The following CPEB1 variants were observed in gnomAD, a reference collection of about 807,000 sequenced individuals.
CPEB1 encodes cytoplasmic polyadenylation element binding protein 1.
A neutral mutation model predicts 65.8 loss-of-function variants in CPEB1; 7 were observed. That is an observed-to-expected ratio of 0.11 (90% CI 0.06 to 0.20). The LOEUF (loss-of-function observed/expected upper bound fraction) is 0.20, where lower values mean the gene tolerates loss of function less well. CPEB1 is among the 10% of genes least tolerant of loss of function. The probability of loss-of-function intolerance (pLI) is 1.00; values close to 1 mark genes in which losing one functional copy is unlikely to be tolerated. For missense variants in CPEB1, 551 were observed against 712.2 expected (o/e 0.77, Z 2.58); for synonymous variants, 262 against 260.0 (o/e 1.01, Z -0.08).
chr15:82,573,173 G>C lies in CPEB1; in HGVS notation c.272-1641C>G, dbSNP rs747419245. ...TTCAGAACTTCCTGCAGTACACCCT[G>C]TGTCCACAGGCACTCAGGCATAGCC... On this transcript the variant is annotated intron_variant, in intron 3 of 12. Coordinates refer to ENST00000684509, the MANE Select transcript of CPEB1 (RefSeq NM_001365242.1). 2.0e-6 allele frequency: 3 copies of C among 1,533,060 alleles called. No individual in the cohort carries two copies. The African/African-American group carries it at 4.1e-5, about 21-fold the overall frequency. 95.0% of individuals were successfully genotyped at this position (1,533,060 alleles called of 1,614,324 possible).
chr15:82,601,768 TG>T (rs2043138975), intron 3 of CPEB1, among the ~76,000 whole-genome samples: 1 of 151,126 alleles, frequency 6.6e-6, no homozygotes, highest in Non-Finnish European at 1.5e-5. Flanking sequence ...GGCAAAAACA[TG>T]AGAAAGAAAT....
intron 3 of CPEB1, among the ~76,000 whole-genome samples, chr15:82,578,084 G>A (rs907658874): frequency 6.6e-6 from 1 of 152,124 alleles, no homozygotes; most frequent in Non-Finnish European, 1.5e-5. Flanking sequence ...AGTTTGCAGT[G>A]AGCCGAGATC....
chr15:82,567,542 C>G (rs2039342063), intron 4 of CPEB1, among the ~76,000 whole-genome samples: 1 of 151,740 alleles, frequency 6.6e-6, no homozygotes, highest in Non-Finnish European at 1.5e-5. Flanking sequence ...GAGGCTGAGG[C>G]AGAGGATTGC....
At chr15:82,551,103 G>A (rs1489233622) in intron 9 of CPEB1, among the ~76,000 whole-genome samples, 1 of 152,128 alleles carries the variant, frequency 6.6e-6, no homozygotes, top group African/African-American at 2.4e-5. Flanking sequence ...AGAGAATAAA[G>A]AAGCAGAGAA....
chr15:82,556,108 A>G lies in CPEB1; in HGVS notation c.702T>C (p.Ile234=). 6.2e-7 allele frequency: 1 copy of G among 1,606,056 alleles called. No homozygotes were observed. The highest frequency in any genetic ancestry group is 1.1e-5 in the South Asian group (1 of 88,778). ...GAGACAGGAAGGGCAGAGGTGGAGA[A>G]ATGCGAAGGCTTGACTAGGGGAGGA... ...HLSDLISSLR[I]SPPLPFLSLS... The change falls in exon 6 of 13, where the codon ATT becomes ATC. Residue 234 remains isoleucine (I), a synonymous_variant. Transcript: ENST00000684509.
At chr15:82,614,840 AAAATAT>A (rs1417566630) in intron 3 of CPEB1, among the ~76,000 whole-genome samples, 5 of 143,066 alleles carry the variant, frequency 3.5e-5, no homozygotes, top group South Asian at 4.6e-4. Context: ...TCAACTCTTT[AAAATAT>A]AAGTGTGTGT....
chr15:82,574,384 G>C (rs946705038), intron 3 of CPEB1, among the ~76,000 whole-genome samples: 1 of 152,092 alleles, frequency 6.6e-6, no homozygotes, highest in African/African-American at 2.4e-5. Flanking sequence ...CTTTAAAGAT[G>C]CAACAGTAGC....
At chr15:82,581,635 A>G (rs1360214143) in intron 3 of CPEB1, among the ~76,000 whole-genome samples, 2 of 152,158 alleles carry the variant, frequency 1.3e-5, no homozygotes, top group African/African-American at 4.8e-5. Flanking sequence ...GGCCATCCTA[A>G]CAAGTGTAAA....
intron 3 of CPEB1, among the ~76,000 whole-genome samples, chr15:82,600,194 G>T (rs1229000742): frequency 6.6e-6 from 1 of 152,108 alleles, no homozygotes; most frequent in Non-Finnish European, 1.5e-5. Context: ...AGAGAAAAAG[G>T]TTTCAAAGGA....
At chr15:82,640,479 A>G (rs1011248600) in intron 1 of CPEB1, among the ~76,000 whole-genome samples, 1 of 152,108 alleles carries the variant, frequency 6.6e-6, no homozygotes, top group Admixed American at 6.6e-5. Flanking sequence ...GCCCTGTTTC[A>G]TATCTCCTTG....
chr15:82,624,471 G>A (rs181835058), intron 3 of CPEB1, among the ~76,000 whole-genome samples: 48 of 152,212 alleles, frequency 3.2e-4, no homozygotes, highest in African/African-American at 1.2e-3. Flanking sequence ...TTAGAACCCA[G>A]GTTTCCCAAT....
At chr15:82,554,891 G>T (rs1424375287) in intron 6 of CPEB1, among the ~76,000 whole-genome samples, 1 of 152,230 alleles carries the variant, frequency 6.6e-6, no homozygotes, top group Non-Finnish European at 1.5e-5. Context: ...CAAAAGCATG[G>T]TAATGTCATT....
chr15:82,594,093 G>C (rs1037220521), intron 3 of CPEB1, among the ~76,000 whole-genome samples: 1 of 152,306 alleles, frequency 6.6e-6, no homozygotes, highest in African/African-American at 2.4e-5. Context: ...TCATTAGCCT[G>C]TAACAAGAGA....
At chr15:82,588,092 T>TTTTTTTGTTTG (rs2041943951) in intron 3 of CPEB1, among the ~76,000 whole-genome samples, 1 of 144,944 alleles carries the variant, frequency 6.9e-6, no homozygotes, top group Non-Finnish European at 1.5e-5. Flanking sequence ...CAACTAGGTT[T>TTTTTTTGTTTG]TTTTTTGTTT....
intron 4 of CPEB1, among the ~76,000 whole-genome samples, chr15:82,568,501 A>C (rs2039515873): frequency 6.6e-6 from 1 of 152,208 alleles, no homozygotes; most frequent in African/African-American, 2.4e-5. Flanking sequence ...AGGACCCCAC[A>C]AAGTGTTACA....
At position 82,579,074 on chromosome 15, in the gene CPEB1, C is replaced by T. The variant is rs138716283; in HGVS notation, c.272-7542G>A. Among the ~76,000 whole-genome samples, 317 of 152,270 alleles carry T rather than the reference C, an allele frequency of 2.1e-3. 1 individual carries two copies. The highest frequency in any genetic ancestry group is 7.5e-3 in the African/African-American group (310 of 41,548). ...CTGACCTCATGTGATCTACCCACCT[C>T]GGCCTCCCAAAGTGCTAGGATCACA... On this transcript the variant is annotated intron_variant, in intron 3 of 12. Transcript: ENST00000684509.
At chr15:82,552,972 T>C (rs1176449433) in intron 8 of CPEB1, among the ~76,000 whole-genome samples, 1 of 152,156 alleles carries the variant, frequency 6.6e-6, no homozygotes, top group African/African-American at 2.4e-5. Flanking sequence ...AAACCATTAG[T>C]TCAGTTCAAT....
intron 1 of CPEB1, among the ~76,000 whole-genome samples, chr15:82,644,816 T>C (rs1010259727): frequency 6.6e-6 from 1 of 152,246 alleles, no homozygotes; most frequent in Non-Finnish European, 1.5e-5. Flanking sequence ...CTAATGGTTG[T>C]GCTCAGTGAA....
upstream of CPEB1, chr15:82,647,862 G>A (rs1052375598): frequency 2.8e-5 from 36 of 1,270,312 alleles, no homozygotes; most frequent in Non-Finnish European, 3.3e-5. Context: ...TTACCAGCGG[G>A]AACGCCATGG....
Sources: allele counts gnomAD v4.1 joint callset (sites outside exome capture counted in the v4.1 genomes callset), GRCh38; gene constraint gnomAD v4.1.1; transcripts MANE v1.5; gene names NCBI Gene and HGNC (gene_info 2026-07-23, HGNC 2026-07-21).